MRPL35: variants seen among roughly 807,000 people sequenced by gnomAD.
The protein encoded by MRPL35 is large ribosomal subunit protein bL35m.
A neutral mutation model predicts 21.6 loss-of-function variants in MRPL35; 18 were observed. The observed-to-expected ratio is 0.83, with a 90% confidence interval of 0.58 to 1.24. The LOEUF (loss-of-function observed/expected upper bound fraction) is 1.24. Among genes scored for constraint, MRPL35 ranks in the 50% most tolerant of loss-of-function variants. The pLI is 0.00. For missense variants in MRPL35, 223 were observed against 223.2 expected (o/e 1.00, Z 0.01); for synonymous variants, 87 against 86.9 (o/e 1.00, Z -0.01).
chr2:86,207,266 C>T lies in MRPL35; in HGVS notation c.317C>T (p.Thr106Ile), dbSNP rs1673819485. 1 of 1,614,042 alleles carries T rather than the reference C, an allele frequency of 6.2e-7. No individual in the cohort carries two copies. Among genetic ancestry groups the T allele is most frequent in the Non-Finnish European group, 8.5e-7 (1 of 1,179,960 alleles). The change falls in exon 3 of 4, where the codon ACC becomes ATC. Residue 106 changes from threonine (T) to isoleucine (I), a missense_variant. Thr to Ile is a moderately conservative substitution (Grantham distance 89, BLOSUM62 -1). Coordinates refer to ENST00000337109, the MANE Select transcript of MRPL35 (RefSeq NM_016622.4). ...AGTGCAAGAAAAGGCAAGAGAAAGA[C>T]CGTGAAAGCTGTCATCGATAGGTTT... ...YFSARKGKRK[T>I]VKAVIDRFLR...
intron 2 of MRPL35, 31 bp from the exon 3 acceptor site, chr2:86,207,152 A>C: frequency 6.5e-7 from 1 of 1,545,572 alleles, no homozygotes; most frequent in Non-Finnish European, 8.7e-7. Flanking sequence ...CAGTCTGATT[A>C]CAAGCTAAAA....
intron 2 of MRPL35, 43 bp from the exon 3 acceptor site, chr2:86,207,140 A>G: frequency 1.3e-6 from 2 of 1,526,024 alleles, no homozygotes; most frequent in Non-Finnish European, 1.8e-6. Flanking sequence ...TAATCCTTTA[A>G]TCAGTCTGAT....
At chr2:86,208,535 G>T (rs1673846352) in intron 3 of MRPL35, among the ~76,000 whole-genome samples, 1 of 152,170 alleles carries the variant, frequency 6.6e-6, no homozygotes, top group South Asian at 2.1e-4. Flanking sequence ...TTGAACTCCT[G>T]ACCTTAAGTG....
At chr2:86,201,298 C>A (rs1291516058) in intron 1 of MRPL35, among the ~76,000 whole-genome samples, 1 of 152,202 alleles carries the variant, frequency 6.6e-6, no homozygotes, top group Non-Finnish European at 1.5e-5. Context: ...TGATTAATAA[C>A]AAGCTATAGT....
chr2:86,213,633 C>A lies in MRPL35; in HGVS notation c.*2965C>A. 1 of 1,550,424 alleles carries A rather than the reference C, an allele frequency of 6.4e-7. No individual in the cohort carries two copies. Among genetic ancestry groups the A allele is most frequent in the Non-Finnish European group, 8.7e-7 (1 of 1,146,892 alleles). ...CCCTGTTGTCACCTGCACAGGCACT[C>A]CCCCATTTGCAGATGAAGAAATGTT... is the stretch of plus-strand genomic sequence containing the variant. On this transcript the variant is annotated 3_prime_UTR_variant, in exon 4 of 4. Coordinates refer to ENST00000337109, the MANE Select transcript of MRPL35 (RefSeq NM_016622.4).
chr2:86,207,109 C>T (rs1464262351), intron 2 of MRPL35, 74 bp from the exon 3 acceptor site: 1 of 1,407,352 alleles, frequency 7.1e-7, no homozygotes, highest in Admixed American at 2.4e-5. Context: ...TTACTCATTT[C>T]TCAGTATAGA....
At position 86,213,359 on chromosome 2, in the gene MRPL35, T is replaced by G; in HGVS notation, c.*2691T>G. ...AAATAAACGAATGGATTTCCAGCCT[T>G]TTTTTCCCATCTGTTCCTGCTTTTA... On this transcript the variant is annotated 3_prime_UTR_variant, in exon 4 of 4. Transcript: ENST00000337109. 6.4e-6 allele frequency: 8 copies of G among 1,249,318 alleles called. No individual in the cohort carries two copies. Among genetic ancestry groups the G allele is most frequent in the Non-Finnish European group, 8.0e-6 (8 of 997,580 alleles). The allele number at this position is 1,249,318 out of a possible 1,614,324, so 77.4% of individuals were successfully genotyped here.
In MRPL35 at chr2:86,210,543, G is replaced by C; in HGVS notation, c.442G>C (p.Val148Leu). Residue 148 changes from valine (V) to leucine (L), a missense_variant, in exon 4 of 4, where the codon GTA becomes CTA. Coordinates refer to ENST00000337109, the MANE Select transcript of MRPL35 (RefSeq NM_016622.4). ...AAGGAAGAAGCGATTGAGGGAATTT[G>C]TATTCTGCAATAAAACCCAGAGTAA... ...PARKKRLREF[V>L]FCNKTQSKLL... 1 of 1,613,816 alleles carries C rather than the reference G, an allele frequency of 6.2e-7. No individual in the cohort carries two copies. The highest frequency in any genetic ancestry group is 8.5e-7 in the Non-Finnish European group (1 of 1,179,874).
chr2:86,208,804 G>A (rs1454000362), intron 3 of MRPL35, among the ~76,000 whole-genome samples: 3 of 151,972 alleles, frequency 2.0e-5, no homozygotes, highest in East Asian at 1.9e-4. Context: ...AGTATACCCT[G>A]TATAGAATGC....
intron 3 of MRPL35, among the ~76,000 whole-genome samples, chr2:86,208,388 C>G (rs538983927): frequency 6.6e-6 from 1 of 152,070 alleles, no homozygotes; most frequent in East Asian, 1.9e-4. Flanking sequence ...CTCACTGTGA[C>G]CTCTGCCTCA....
rs1263481791 is a variant in MRPL35, at chr2:86,199,537, A to C, written c.43+4A>C. On this transcript the variant is annotated splice_donor_region_variant and intron_variant, in intron 1 of 3. Coordinates refer to ENST00000337109, the MANE Select transcript of MRPL35 (RefSeq NM_016622.4). ...GGTGCAGTGAGAGCAGCTTCAGGTC[A>C]GTGGAGAGCGACATACTCCATGCAT... The C allele has an allele frequency of 1.2e-6, 2 of 1,614,060 alleles. No individual in the cohort carries two copies. Among genetic ancestry groups the C allele is most frequent in the Non-Finnish European group, 1.7e-6 (2 of 1,180,052 alleles).
Position 86,211,357 on chromosome 2 carries a change from T to C in MRPL35, c.*689T>C, listed in dbSNP as rs1673899003. On this transcript the variant is annotated 3_prime_UTR_variant, in exon 4 of 4. Coordinates refer to ENST00000337109, the MANE Select transcript of MRPL35 (RefSeq NM_016622.4). ...ATTTAACTGGGCCAGACTACCTTTT[T>C]ATACTAGGTCTGGTTGGGTCATTGT... 2.1e-6 allele frequency: 2 copies of C among 970,024 alleles called. No individual in the cohort carries two copies. The highest frequency in any genetic ancestry group is 2.5e-6 in the Non-Finnish European group (2 of 816,094). The allele number at this position is 970,024 out of a possible 1,614,324, so 60.1% of individuals were successfully genotyped here. A position where few individuals can be genotyped will look rare whatever the true frequency, so the allele number is the denominator to read the frequency against.
rs190275085 is a variant in MRPL35 at position 86,205,560 on chromosome 2, A to G, written c.44-546A>G. The stretch of plus-strand genomic sequence containing the variant: ...TTCAAACCCATGTTGTTCAAGGGTC[A>G]CCTGTATTTGTTTCAGTCCCCATGC... On this transcript the variant is annotated intron_variant, in intron 1 of 3. Coordinates refer to ENST00000337109, the MANE Select transcript of MRPL35 (RefSeq NM_016622.4). 1.7e-3 allele frequency among the ~76,000 whole-genome samples: 255 copies of G among 152,300 alleles called. 3 individuals carry two copies. Among genetic ancestry groups the G allele is most frequent in the Non-Finnish European group, 6.9e-4 (47 of 68,022 alleles).
chr2:86,199,480 C>G lies in MRPL35; in HGVS notation c.-11C>G. 6.2e-7 allele frequency: 1 copy of G among 1,614,092 alleles called. No individual in the cohort carries two copies. The highest frequency in any genetic ancestry group is 8.5e-7 in the Non-Finnish European group (1 of 1,180,030). ...TTAAACCCAAAGCGGCCGCCGTAGG[C>G]GAAGGTGAAGATGGCTGCCTCTGCC... On this transcript the variant is annotated 5_prime_UTR_variant, in exon 1 of 4. Coordinates refer to ENST00000337109, the MANE Select transcript of MRPL35 (RefSeq NM_016622.4).
intron 3 of MRPL35, 49 bp downstream of exon 3, chr2:86,207,376 C>T (rs773531959): frequency 1.5e-5 from 23 of 1,580,846 alleles, no homozygotes; most frequent in Admixed American, 5.4e-5. Flanking sequence ...TGAGGCCGGG[C>T]GTGGTGGCTC....
Position 86,210,778 on chromosome 2 carries a change from A to G in MRPL35, c.*110A>G. The G allele has an allele frequency of 1.4e-6, 2 of 1,405,246 alleles. No homozygotes were observed. Among genetic ancestry groups the G allele is most frequent in the Non-Finnish European group, 1.9e-6 (2 of 1,073,550 alleles). The allele number at this position is 1,405,246 out of a possible 1,614,324, so 87.0% of individuals were successfully genotyped here. A position where few individuals can be genotyped will look rare whatever the true frequency, so the allele number is the denominator to read the frequency against. ...ATGTAAATTGTACCAATGAATACGT[A>G]AACATACAGTGACAACATTAAACTT... On this transcript the variant is annotated 3_prime_UTR_variant, in exon 4 of 4. Coordinates refer to ENST00000337109, the MANE Select transcript of MRPL35 (RefSeq NM_016622.4).
At chr2:86,201,589 TAATTTAGATTCTACTGAAAACA>T (rs1166920108) in intron 1 of MRPL35, among the ~76,000 whole-genome samples, 1 of 152,240 alleles carries the variant, frequency 6.6e-6, no homozygotes, top group Non-Finnish European at 1.5e-5. Flanking sequence ...AACTTACTAT[TAATTTAGATTCTACTGAAAACA>T]ATTTAAAGAG....
In MRPL35 at chr2:86,213,750, C is replaced by A; in HGVS notation, c.*3082C>A. Reference sequence around the variant, plus strand: ...ATTTTCACAGCTACCTAGTTTCTGCCGATGATTTTTTTAAATGTGAAATAA... The same window carrying A: ...ATTTTCACAGCTACCTAGTTTCTGCAGATGATTTTTTTAAATGTGAAATAA... On this transcript the variant is annotated 3_prime_UTR_variant, in exon 4 of 4. Coordinates refer to ENST00000337109, the MANE Select transcript of MRPL35 (RefSeq NM_016622.4). The A allele has an allele frequency of 7.0e-7, 1 of 1,421,618 alleles. No homozygotes were observed. The allele number at this position is 1,421,618 out of a possible 1,614,324, so 88.1% of individuals were successfully genotyped here. A position where few individuals can be genotyped will look rare whatever the true frequency, so the allele number is the denominator to read the frequency against.
In MRPL35 at chr2:86,211,278, C is replaced by G; in HGVS notation, c.*610C>G. On this transcript the variant is annotated 3_prime_UTR_variant, in exon 4 of 4. Coordinates refer to ENST00000337109, the MANE Select transcript of MRPL35 (RefSeq NM_016622.4). ...AACTTTAACTTGCACCTTTGAGGTT[C>G]TTTTCTACATGATGACCTTCAGCTC... is the stretch of plus-strand genomic sequence containing the variant. The G allele has an allele frequency of 1.1e-6, 1 of 888,676 alleles. No individual in the cohort carries two copies. The highest frequency in any genetic ancestry group is 1.3e-6 in the Non-Finnish European group (1 of 742,138). 55.0% of individuals were successfully genotyped at this position (888,676 alleles called of 1,614,324 possible).
Sources: allele counts gnomAD v4.1 joint callset (sites outside exome capture counted in the v4.1 genomes callset), GRCh38; gene constraint gnomAD v4.1.1; transcripts MANE v1.5; gene names NCBI Gene and HGNC (gene_info 2026-07-23, HGNC 2026-07-21).